Variants in GJB1 observed in about 807,000 individuals in gnomAD.
The protein encoded by GJB1 is gap junction protein beta 1, also known as gap junction beta-1 protein.
A neutral mutation model predicts 12.0 loss-of-function variants in GJB1; 1 was observed. That is an observed-to-expected ratio of 0.08 (90% CI 0.03 to 0.40). The LOEUF (loss-of-function observed/expected upper bound fraction) is 0.40, where lower values mean the gene tolerates loss of function less well. Ranked by LOEUF, GJB1 falls within the 10% of genes least tolerant of loss-of-function variation. GJB1 has a pLI of 0.98. For missense variants in GJB1, 140 were observed against 250.3 expected (o/e 0.56, Z 2.97); for synonymous variants, 114 against 102.8 (o/e 1.11, Z -0.66).
chrX:71,223,654 G>A lies in GJB1; in HGVS notation c.-16-38G>A, dbSNP rs1035528554. The A allele has an allele frequency of 2.5e-6, 3 of 1,200,433 alleles. No homozygotes were observed. In the African/African-American group the frequency reaches 5.3e-5, roughly 21 times the overall value. ...CTATGGCGCCCGACTTTCCACCCCA[G>A]CTTTCTGACAGCTTGCTTCATGGCT... is the stretch of plus-strand genomic sequence containing the variant. On this transcript the variant is annotated intron_variant, in intron 1 of 1. Transcript: ENST00000361726.
intron 1 of GJB1, among the ~76,000 whole-genome samples, chrX:71,217,335 C>A (rs894831855): frequency 1.8e-5 from 2 of 112,058 alleles, no homozygotes; most frequent in African/African-American, 6.5e-5. Context: ...GTTTCTTAAC[C>A]TCTCTGAGCC....
chrX:71,217,355 T>C (rs939272930), intron 1 of GJB1, among the ~76,000 whole-genome samples: 8 of 111,870 alleles, frequency 7.2e-5, no homozygotes, highest in Non-Finnish European at 1.5e-4. Context: ...CTCAACTTCC[T>C]TGTCTGAAAA....
intron 1 of GJB1, among the ~76,000 whole-genome samples, chrX:71,216,547 C>T (rs1183976680): frequency 1.8e-5 from 2 of 109,152 alleles, no homozygotes; most frequent in Non-Finnish European, 3.8e-5. Flanking sequence ...CCATAAATGG[C>T]AGCTGTTATA....
rs764034005 is a variant in GJB1, at chrX:71,224,777, G to A, written c.*218G>A. 13 of 455,366 alleles carry A rather than the reference G, an allele frequency of 2.9e-5. No individual in the cohort carries two copies. The East Asian group carries it at 3.0e-4, about 10-fold the overall frequency. 37.5% of individuals were successfully genotyped at this position (455,366 alleles called of 1,213,427 possible). A position where few individuals can be genotyped will look rare whatever the true frequency, so the allele number is the denominator to read the frequency against. On this transcript the variant is annotated 3_prime_UTR_variant, in exon 2 of 2. Coordinates refer to ENST00000361726, the MANE Select transcript of GJB1 (RefSeq NM_000166.6). ...ATGCCAGTGCTCAAGGTTACTGGGA[G>A]TGTGGGCTGCCCTTGTTGCCTGCAC... is the stretch of plus-strand genomic sequence containing the variant.
upstream of GJB1, among the ~76,000 whole-genome samples, chrX:71,222,986 C>T (rs781399097): frequency 3.1e-4 from 34 of 110,985 alleles, no homozygotes; most frequent in Non-Finnish European, 5.7e-4. Context: ...TCCCTCCCCC[C>T]GCCCCCCCGT....
At chrX:71,220,890 CTTTTTTTTTTTTTTTT>C (rs869189116), upstream of GJB1, among the ~76,000 whole-genome samples, 1 of 34,502 alleles carries the variant, frequency 2.9e-5, no homozygotes, top group Admixed American at 4.8e-4. Context: ...TGTTTCTTTC[CTTTTTTTTTTTTTTTT>C]TTTTTTTTTG....
At chrX:71,216,290 A>G (rs959556599) in intron 1 of GJB1, among the ~76,000 whole-genome samples, 2 of 110,675 alleles carry the variant, frequency 1.8e-5, no homozygotes, top group Non-Finnish European at 3.8e-5. Flanking sequence ...GAATACAGAC[A>G]AGAGGGGTTT....
At chrX:71,218,068 G>A (rs1193472902) in intron 1 of GJB1, among the ~76,000 whole-genome samples, 1 of 111,393 alleles carries the variant, frequency 9.0e-6, no homozygotes, top group African/African-American at 3.3e-5. Flanking sequence ...GAGGCAGCAG[G>A]ATTACCTGAG....
chrX:71,218,999 CTGTT>C (rs1041052694), upstream of GJB1, among the ~76,000 whole-genome samples: 1 of 110,364 alleles, frequency 9.1e-6, no homozygotes, highest in Non-Finnish European at 1.9e-5. Flanking sequence ...TTCTTTGCCT[CTGTT>C]TGCTCATCTG....
intron 1 of GJB1, among the ~76,000 whole-genome samples, chrX:71,216,875 G>A (rs1438162860): frequency 9.0e-6 from 1 of 111,628 alleles, no homozygotes. Flanking sequence ...ACTGATGAAG[G>A]CAGCCAGAAA....
chrX:71,224,602 C>G lies in GJB1; in HGVS notation c.*43C>G, dbSNP rs770941057. 2 of 988,852 alleles carry G rather than the reference C, an allele frequency of 2.0e-6. No homozygotes were observed. Among genetic ancestry groups the G allele is most frequent in the Admixed American group, 5.2e-5 (2 of 38,674 alleles). 81.5% of individuals were successfully genotyped at this position (988,852 alleles called of 1,213,427 possible). A position where few individuals can be genotyped will look rare whatever the true frequency, so the allele number is the denominator to read the frequency against. On this transcript the variant is annotated 3_prime_UTR_variant, in exon 2 of 2. Transcript: ENST00000361726. ...CCTCCCATCCCACCCCCGACCCTGCCCTGGGCGAGCCCCTCCTTCTCCCCT... is the reference window on the plus strand; with the variant it reads ...CCTCCCATCCCACCCCCGACCCTGCGCTGGGCGAGCCCCTCCTTCTCCCCT...
rs964774958 is a variant in GJB1, at chrX:71,224,684, G to A, written c.*125G>A. 1.5e-6 allele frequency: 1 copy of A among 653,848 alleles called. No homozygotes were observed. Among genetic ancestry groups the A allele is most frequent in the East Asian group, 3.5e-5 (1 of 28,196 alleles). 53.9% of individuals were successfully genotyped at this position (653,848 alleles called of 1,213,427 possible). ...TACTCGATCAAAACCTTCCTTCCCT[G>A]GCTACTTCCCTTCCTCCCGGGGCCT... On this transcript the variant is annotated 3_prime_UTR_variant, in exon 2 of 2. Transcript: ENST00000361726.
chrX:71,223,406 T>C (rs936883507), intron 1 of GJB1, 71 bp downstream of exon 1: 48 of 391,480 alleles, frequency 1.2e-4, no homozygotes, highest in African/African-American at 1.2e-3. Flanking sequence ...CCATAGGGGA[T>C]GGCTGATATC....
chrX:71,224,983 T>G lies in GJB1; in HGVS notation c.*424T>G. Reference sequence around the variant, plus strand: ...GCAGAGGGCAGGGGTGCTGTGGACATGTGGGTGGAGAAGGGAGGGTGGCCA... The same window carrying G: ...GCAGAGGGCAGGGGTGCTGTGGACAGGTGGGTGGAGAAGGGAGGGTGGCCA... On this transcript the variant is annotated 3_prime_UTR_variant, in exon 2 of 2. Coordinates refer to ENST00000361726, the MANE Select transcript of GJB1 (RefSeq NM_000166.6). 1 of 189,750 alleles carries G rather than the reference T, an allele frequency of 5.3e-6. No individual in the cohort carries two copies. Among genetic ancestry groups the G allele is most frequent in the Non-Finnish European group, 1.1e-5 (1 of 95,097 alleles). 15.6% of individuals were successfully genotyped at this position (189,750 alleles called of 1,213,427 possible).
chrX:71,218,099 C>A (rs1482678157), intron 1 of GJB1, among the ~76,000 whole-genome samples: 1 of 111,039 alleles, frequency 9.0e-6, no homozygotes, highest in African/African-American at 3.3e-5. Flanking sequence ...CGAGACCAGC[C>A]TGGCCAACAT....
chrX:71,222,951 C>T (rs2092540384), upstream of GJB1, among the ~76,000 whole-genome samples: 1 of 111,061 alleles, frequency 9.0e-6, no homozygotes, highest in Admixed American at 9.6e-5. Flanking sequence ...GTCCCCTCTT[C>T]ACATCCACCT....
Position 71,224,326 on chromosome X carries a change from G to A in GJB1, c.619G>A (p.Ala207Thr). 8.3e-7 allele frequency: 1 copy of A among 1,209,067 alleles called. No homozygotes were observed. Residue 207 changes from alanine (A) to threonine (T), a missense_variant, in exon 2 of 2, where the codon GCC becomes ACC. This residue lies in a region of GJB1 where 75 missense variants were observed against 78.8 expected (regional missense o/e 0.95). Transcript: ENST00000361726. Reference protein sequence around the residue: ...ASGICIILNVAEVVYLIIRAC... With the variant: ...ASGICIILNVTEVVYLIIRAC... Reference sequence around the variant, plus strand: ...TGGCATCTGCATCATCCTCAATGTGGCCGAGGTGGTGTACCTCATCATCCG... The same window carrying A: ...TGGCATCTGCATCATCCTCAATGTGACCGAGGTGGTGTACCTCATCATCCG...
chrX:71,220,142 C>CTTTTTTTTTT (rs41353351), upstream of GJB1, among the ~76,000 whole-genome samples: 4 of 52,805 alleles, frequency 7.6e-5, 1 homozygote, highest in African/African-American at 5.8e-4. Flanking sequence ...TGTGCCTGGC[C>CTTTTTTTTTT]TTTTTTTTTT....
upstream of GJB1, among the ~76,000 whole-genome samples, chrX:71,219,022 G>C (rs1057067585): frequency 2.7e-5 from 3 of 110,549 alleles, no homozygotes; most frequent in African/African-American, 9.9e-5. Flanking sequence ...TGTGATATGA[G>C]GATAAAGCAA....
Sources: gnomAD v4.1 joint callset for allele counts (sites outside exome capture counted in the v4.1 genomes callset) on GRCh38, gnomAD v4.1.1 for gene constraint, gnomAD v4.1.1 regional missense constraint, MANE v1.5 for transcripts, NCBI Gene and HGNC (gene_info 2026-07-23, HGNC 2026-07-21) for gene names.